The following VPS39 variants were observed in gnomAD, a reference collection of about 807,000 sequenced individuals.
VPS39 encodes the protein vam6/Vps39-like protein.
VPS39 carries 70 observed loss-of-function variants against 121.0 expected under a neutral mutation model. That is an observed-to-expected ratio of 0.58 (90% confidence interval 0.48 to 0.71). The LOEUF (loss-of-function observed/expected upper bound fraction) is 0.71. Among genes scored for constraint, VPS39 ranks in the 30% least tolerant of loss-of-function variants. The pLI is 0.00. For synonymous variants in VPS39, 378 were observed against 398.1 expected (o/e 0.95, Z 0.60); for missense variants, 818 against 1,051.5 (o/e 0.78, Z 3.07).
chr15:42,208,074 G>A lies in VPS39; in HGVS notation c.73+7C>T. The A allele has an allele frequency of 6.3e-7, 1 of 1,576,048 alleles. No homozygotes were observed. ...CTCCGCCTCGGCCCCGCGGCCCCTC[G>A]GCTCACCCCAGGCAGCCAGACAGTC... On this transcript the variant is annotated splice_region_variant and intron_variant, in intron 1 of 24. Coordinates refer to ENST00000318006, the MANE Select transcript of VPS39 (RefSeq NM_015289.5).
chr15:42,184,442 A>G, intron 8 of VPS39, 75 bp downstream of exon 8: 1 of 1,467,278 alleles, frequency 6.8e-7, no homozygotes. Flanking sequence ...TAAAGCTACG[A>G]ATGGGACTCC....
At chr15:42,193,470 G>A (rs960356162) in intron 2 of VPS39, among the ~76,000 whole-genome samples, 43 of 152,204 alleles carry the variant, frequency 2.8e-4, no homozygotes, top group African/African-American at 9.4e-4. Context: ...CTTGTAAAGC[G>A]AAATCTCACA....
chr15:42,173,973 C>T (rs1014160699), intron 10 of VPS39, 121 bp from the exon 11 acceptor site: 14 of 1,193,332 alleles, frequency 1.2e-5, no homozygotes, highest in South Asian at 2.9e-5. Flanking sequence ...CAAGGCCGGG[C>T]GCGGTGCCTC....
At chr15:42,165,976 T>C (rs1190376714) in intron 16 of VPS39, among the ~76,000 whole-genome samples, 160 bp from the exon 17 acceptor site, 1 of 152,196 alleles carries the variant, frequency 6.6e-6, no homozygotes, top group Non-Finnish European at 1.5e-5. Context: ...ACAGGCCTCC[T>C]CATGCCTGTG....
chr15:42,207,251 T>C (rs944657514), intron 1 of VPS39, among the ~76,000 whole-genome samples: 1 of 152,236 alleles, frequency 6.6e-6, no homozygotes, highest in Non-Finnish European at 1.5e-5. Flanking sequence ...CATCTTTTTA[T>C]GGTCCTTGAT....
chr15:42,173,660 C>T (rs2140851162), intron 11 of VPS39, 63 bp downstream of exon 11: 1 of 1,576,760 alleles, frequency 6.3e-7, no homozygotes, highest in Non-Finnish European at 8.6e-7. Flanking sequence ...ATCATTTCTC[C>T]CCATACTTTT....
chr15:42,197,347 C>A (rs1195450142), intron 2 of VPS39, among the ~76,000 whole-genome samples: 3 of 144,924 alleles, frequency 2.1e-5, no homozygotes, highest in East Asian at 2.0e-4. Flanking sequence ...GAAAAAAAAA[C>A]CTAAAAAAAA....
At position 42,173,652 on chromosome 15, in the gene VPS39, C is replaced by T. The variant is rs1595653155; in HGVS notation, c.1090+71G>A. 18 of 1,560,412 alleles carry T rather than the reference C, an allele frequency of 1.2e-5. No homozygotes were observed. The East Asian group carries it at 3.6e-4, about 31-fold the overall frequency. On this transcript the variant is annotated intron_variant, in intron 11 of 24. Transcript: ENST00000318006. Reference sequence around the variant, plus strand: ...TTCTCCATTCTCAGAAGTCTGTTATCATTTCTCCCCATACTTTTCAGGCTC... The same window carrying T: ...TTCTCCATTCTCAGAAGTCTGTTATTATTTCTCCCCATACTTTTCAGGCTC...
At chr15:42,188,457 C>T (rs2049750766) in intron 5 of VPS39, among the ~76,000 whole-genome samples, 1 of 152,192 alleles carries the variant, frequency 6.6e-6, no homozygotes, top group Non-Finnish European at 1.5e-5. Context: ...CCTCAGTGAT[C>T]TGTTTAGAAC....
At chr15:42,199,864 C>G in intron 2 of VPS39, 32 bp downstream of exon 2, 1 of 1,556,864 alleles carries the variant, frequency 6.4e-7, no homozygotes, top group East Asian at 2.4e-5. Flanking sequence ...ACTATTAAAA[C>G]TTATTTTTTT....
intron 19 of VPS39, among the ~76,000 whole-genome samples, chr15:42,163,956 T>G (rs1226334794): frequency 6.6e-6 from 1 of 152,148 alleles, no homozygotes; most frequent in Non-Finnish European, 1.5e-5. Context: ...ATAAACTGGG[T>G]AAGAATATTC....
intron 2 of VPS39, among the ~76,000 whole-genome samples, chr15:42,192,270 C>T (rs1196558538): frequency 1.3e-5 from 2 of 152,180 alleles, no homozygotes; most frequent in East Asian, 3.9e-4. Flanking sequence ...ATACTGGGTT[C>T]GGGGTTTAAA....
chr15:42,164,607 G>C, intron 18 of VPS39, 121 bp from the exon 19 acceptor site: 1 of 1,463,578 alleles, frequency 6.8e-7, no homozygotes, highest in South Asian at 1.4e-5. Flanking sequence ...GGGCCTCCAG[G>C]GTGGCTTCCA....
At chr15:42,168,545 T>TC (rs1174978581) in intron 12 of VPS39, among the ~76,000 whole-genome samples, 1 of 140,322 alleles carries the variant, frequency 7.1e-6, no homozygotes, top group East Asian at 2.0e-4. Context: ...TACTTCTTCT[T>TC]TTTTTTTTTT....
chr15:42,197,207 A>G (rs1419926259), intron 2 of VPS39, among the ~76,000 whole-genome samples: 4 of 150,568 alleles, frequency 2.7e-5, no homozygotes, highest in Admixed American at 6.6e-5. Context: ...GGAAAGCATT[A>G]GGAGATATAC....
chr15:42,161,983 A>G, intron 23 of VPS39, 49 bp downstream of exon 23: 1 of 1,611,596 alleles, frequency 6.2e-7, no homozygotes, highest in Non-Finnish European at 8.5e-7. Context: ...ACATTGTCTC[A>G]TACTAAAAGT....
intron 8 of VPS39, among the ~76,000 whole-genome samples, chr15:42,182,126 G>C (rs1191794674): frequency 2.0e-5 from 3 of 152,188 alleles, no homozygotes; most frequent in African/African-American, 4.8e-5. Context: ...TGAGTAACTT[G>C]AGAACTAAGT....
In VPS39 at chr15:42,194,665, A is replaced by C. The variant is rs2049898171; in HGVS notation, c.140-3105T>G. Among the ~76,000 whole-genome samples, 2 of 151,664 alleles carry C rather than the reference A, an allele frequency of 1.3e-5. 1 individual carries two copies. Among genetic ancestry groups the C allele is most frequent in the South Asian group, 4.2e-4 (2 of 4,818 alleles). Reference sequence around the variant, plus strand: ...GGAGGATCGCCTGAGCCTAGGAGTTATAGGTTGCAGTGAGTCATGATTGCG... The same window carrying C: ...GGAGGATCGCCTGAGCCTAGGAGTTCTAGGTTGCAGTGAGTCATGATTGCG... On this transcript the variant is annotated intron_variant, in intron 2 of 24. Coordinates refer to ENST00000318006, the MANE Select transcript of VPS39 (RefSeq NM_015289.5).
intron 24 of VPS39, 39 bp from the exon 25 acceptor site, chr15:42,160,868 C>G: frequency 6.2e-7 from 1 of 1,605,032 alleles, no homozygotes; most frequent in Non-Finnish European, 8.5e-7. Context: ...AGGACTGCTT[C>G]TAAGTGACCA....
Sources: allele counts gnomAD v4.1 joint callset (sites outside exome capture counted in the v4.1 genomes callset), GRCh38; gene constraint gnomAD v4.1.1; transcripts MANE v1.5; gene names NCBI Gene and HGNC (gene_info 2026-07-23, HGNC 2026-07-21).